Variants in XRN2 observed in about 807,000 individuals in gnomAD.
The protein encoded by XRN2 is DHM1-like protein.
Under a neutral mutation model 138.5 loss-of-function variants are expected in XRN2, and 44 were observed. The observed-to-expected ratio is 0.32, with a 90% CI of 0.25 to 0.41. The LOEUF is 0.41. Among genes scored for constraint, XRN2 ranks in the 10% least tolerant of loss-of-function variants. The pLI is 1.00. For missense variants in XRN2, 937 were observed against 1,169.3 expected (o/e 0.80, Z 2.90); for synonymous variants, 354 against 369.4 (o/e 0.96, Z 0.48).
At chr20:21,326,769 T>C (rs2038134862) in intron 3 of XRN2, among the ~76,000 whole-genome samples, 168 bp downstream of exon 3, 1 of 152,178 alleles carries the variant, frequency 6.6e-6, no homozygotes, top group South Asian at 2.1e-4. Context: ...GTGTGTGTTT[T>C]GTGCTTATTT....
At chr20:21,372,718 A>T (rs1389989800) in intron 27 of XRN2, among the ~76,000 whole-genome samples, 1 of 152,140 alleles carries the variant, frequency 6.6e-6, no homozygotes, top group Non-Finnish European at 1.5e-5. Flanking sequence ...CGTACAGTGT[A>T]GTTTTTATGA....
intron 27 of XRN2, among the ~76,000 whole-genome samples, chr20:21,377,264 C>CTTTTTTTTCTTTTTT (rs2038834045): frequency 1.2e-5 from 1 of 82,782 alleles, no homozygotes; most frequent in African/African-American, 5.4e-5. Context: ...TCGGTTTTTT[C>CTTTTTTTTCTTTTTT]TTTTTTTTTT....
In XRN2 at chr20:21,365,647, G is replaced by A. The variant is rs2038684401; in HGVS notation, c.2399G>A (p.Gly800Asp). Residue 800 changes from glycine (G) to aspartate (D), a missense_variant, in exon 26 of 30, where the codon GGC becomes GAC. Transcript: ENST00000377191. ...SNGRQWKPQL[G>D]FNRDRRPVHL... is the part of the protein sequence containing the mutation. ...GGACGGCAGTGGAAGCCTCAGCTTG[G>A]CTTTAACCGTGACCGGAGGCCTGTG... 6.2e-7 allele frequency: 1 copy of A among 1,613,174 alleles called. No homozygotes were observed. Among genetic ancestry groups the A allele is most frequent in the Non-Finnish European group, 8.5e-7 (1 of 1,179,918 alleles).
In XRN2 at chr20:21,356,532, G is replaced by C. The variant is rs958699469; in HGVS notation, c.2119-54G>C. The C allele has an allele frequency of 4.6e-6, 7 of 1,526,106 alleles. No individual in the cohort carries two copies. In the African/African-American group the frequency reaches 9.7e-5, roughly 21 times the overall value. 94.5% of individuals were successfully genotyped at this position (1,526,106 alleles called of 1,614,324 possible). On this transcript the variant is annotated intron_variant, in intron 22 of 29. Coordinates refer to ENST00000377191, the MANE Select transcript of XRN2 (RefSeq NM_012255.5). ...GCTATGAACACTCAAGAATCTGCTT[G>C]AGTCCCAGTTTTCCATTCTTTGCAT...
Position 21,368,554 on chromosome 20 carries a change from T to C in XRN2, c.2548T>C (p.Leu850=), listed in dbSNP as rs749917994. The C allele has an allele frequency of 1.2e-6, 2 of 1,613,960 alleles. No individual in the cohort carries two copies. Among genetic ancestry groups the C allele is most frequent in the East Asian group, 4.5e-5 (2 of 44,880 alleles). Residue 850 remains leucine (L), a synonymous_variant, in exon 27 of 30, where the codon TTG becomes CTG. Transcript: ENST00000377191. ...CCAGGGAAACTTATACAGGCCGCTTTTGAGAGGACAAGCCCAGATTCCAAA... is the reference window on the plus strand; with the variant it reads ...CCAGGGAAACTTATACAGGCCGCTTCTGAGAGGACAAGCCCAGATTCCAAA... ...TYQGNLYRPL[L]RGQAQIPKLM... is the part of the protein sequence containing the mutation.
chr20:21,332,198 T>C, intron 8 of XRN2, 85 bp from the exon 9 acceptor site: 1 of 1,490,644 alleles, frequency 6.7e-7, no homozygotes. Context: ...GGGCTTTTCT[T>C]TGTGTTGGCA....
intron 27 of XRN2, among the ~76,000 whole-genome samples, chr20:21,375,403 A>G (rs1318414023): frequency 6.6e-6 from 1 of 151,708 alleles, no homozygotes; most frequent in African/African-American, 2.4e-5. Flanking sequence ...GACTTAGGTA[A>G]TTTATTTTTG....
Position 21,328,253 on chromosome 20 carries a change from A to C in XRN2, c.316-306A>C, listed in dbSNP as rs541435933. Among the ~76,000 whole-genome samples the C allele has an allele frequency of 5.9e-5, 9 of 152,288 alleles. No individual in the cohort carries two copies. The South Asian group carries it at 1.9e-3, about 32-fold the overall frequency. On this transcript the variant is annotated intron_variant, in intron 3 of 29. Coordinates refer to ENST00000377191, the MANE Select transcript of XRN2 (RefSeq NM_012255.5). ...TTTCTTTCTTGGGTGCCCTGAATCA[A>C]GCACCCTAACCGAGGGGAACTGGTG...
chr20:21,365,468 C>T lies in XRN2; in HGVS notation c.2303C>T (p.Ala768Val), dbSNP rs766135751. The change falls in exon 25 of 30, where the codon GCT becomes GTT. Residue 768 changes from alanine to valine, a missense_variant. By Grantham distance (64) the Ala-to-Val change is moderately conservative (BLOSUM62 0). Coordinates refer to ENST00000377191, the MANE Select transcript of XRN2 (RefSeq NM_012255.5). Reference protein sequence around the residue: ...PQFAEDYIFKAVMLPGARKPA... With the variant: ...PQFAEDYIFKVVMLPGARKPA... ...TTTGCTGAAGATTACATTTTTAAAG[C>T]TGTAATGCTTCCAGGAGCAAGGTAA... is the stretch of plus-strand genomic sequence containing the variant. 3.7e-6 allele frequency: 6 copies of T among 1,613,730 alleles called. No individual in the cohort carries two copies. Among genetic ancestry groups the T allele is most frequent in the Non-Finnish European group, 5.1e-6 (6 of 1,179,894 alleles).
At chr20:21,326,670 AAGTC>A in intron 3 of XRN2, 69 bp downstream of exon 3, 1 of 1,222,762 alleles carries the variant, frequency 8.2e-7, no homozygotes, top group Non-Finnish European at 1.2e-6. Flanking sequence ...TCTAGAATGA[AAGTC>A]AGCTAAATAA....
rs762644828 is a variant in XRN2 at position 21,333,558 on chromosome 20, C to T, written c.873C>T (p.Ala291=). The T allele has an allele frequency of 1.7e-5, 28 of 1,612,878 alleles. No homozygotes were observed. The highest frequency in any genetic ancestry group is 9.9e-5 in the South Asian group (9 of 91,052). ...TGTTCTTGCAGCATGATGAACTTGC[C>T]GATAGTCTTCCTTGTGCAGAAGGAG... ...REKKGKHDEL[A]DSLPCAEGEF... Residue 291 remains alanine, a synonymous_variant, in exon 10 of 30, where the codon GCC becomes GCT. Transcript: ENST00000377191.
At chr20:21,367,129 T>G (rs557467052) in intron 26 of XRN2, among the ~76,000 whole-genome samples, 27 of 152,314 alleles carry the variant, frequency 1.8e-4, no homozygotes, top group Middle Eastern at 3.4e-3. Context: ...CTACTGAAAT[T>G]ATCTTTTAAT....
intron 6 of XRN2, 124 bp from the exon 7 acceptor site, chr20:21,331,437 A>ACC (rs1555784465): frequency 2.2e-5 from 15 of 680,328 alleles, no homozygotes; most frequent in Admixed American, 5.1e-5. Context: ...ACACACACAC[A>ACC]CCCTTATTCA....
rs1826887699 is a variant in XRN2 at position 21,346,635 on chromosome 20, T to C, written c.1665+85T>C. 32 of 1,529,816 alleles carry C rather than the reference T, an allele frequency of 2.1e-5. No homozygotes were observed. The South Asian group carries it at 4.0e-4, about 19-fold the overall frequency. 94.8% of individuals were successfully genotyped at this position (1,529,816 alleles called of 1,614,324 possible). A position where few individuals can be genotyped will look rare whatever the true frequency, so the allele number is the denominator to read the frequency against. On this transcript the variant is annotated intron_variant, in intron 17 of 29. Transcript: ENST00000377191. ...TCTTTTTTTTTGTTTGTTTTTTGTTTTTGAGACGGAGTCTTGCCCTGTCAC... is the reference window on the plus strand; with the variant it reads ...TCTTTTTTTTTGTTTGTTTTTTGTTCTTGAGACGGAGTCTTGCCCTGTCAC...
At chr20:21,369,417 T>G (rs2038738400) in intron 27 of XRN2, among the ~76,000 whole-genome samples, 1 of 152,220 alleles carries the variant, frequency 6.6e-6, no homozygotes, top group Non-Finnish European at 1.5e-5. Flanking sequence ...TTCCCTGTTT[T>G]GGGGTATATA....
chr20:21,313,864 A>G (rs916218476), intron 1 of XRN2, among the ~76,000 whole-genome samples: 3 of 152,068 alleles, frequency 2.0e-5, no homozygotes, highest in South Asian at 2.1e-4. Flanking sequence ...CCTACATTCT[A>G]TTTTCTCTAA....
chr20:21,367,977 C>A (rs747461449), intron 26 of XRN2, among the ~76,000 whole-genome samples: 2 of 151,792 alleles, frequency 1.3e-5, no homozygotes, highest in Non-Finnish European at 2.9e-5. Flanking sequence ...ACTACTAGTA[C>A]GAAATGAGAG....
chr20:21,348,220 C>T lies in XRN2; in HGVS notation c.1740C>T (p.Asp580=). ...CTTCAGACTTTGAAGGCATTGCAGA[C>T]ATGCCATCTGATTTTGAGAAGGGTA... ...PFASDFEGIA[D]MPSDFEKGTK... is the part of the protein sequence containing the mutation. The change falls in exon 18 of 30, where the codon GAC becomes GAT. Residue 580 remains aspartate, a synonymous_variant. Transcript: ENST00000377191. 6.2e-7 allele frequency: 1 copy of T among 1,613,992 alleles called. No individual in the cohort carries two copies. The highest frequency in any genetic ancestry group is 8.5e-7 in the Non-Finnish European group (1 of 1,179,958).
intron 1 of XRN2, among the ~76,000 whole-genome samples, chr20:21,320,283 T>TTATTTATG (rs754800283): frequency 0.056 from 4,497 of 79,596 alleles, 109 homozygotes; most frequent in Middle Eastern, 0.11. Context: ...ATTTATGTAT[T>TTATTTATG]TATTTATTTA....
Sources: allele counts gnomAD v4.1 joint callset (sites outside exome capture counted in the v4.1 genomes callset), GRCh38; gene constraint gnomAD v4.1.1; transcripts MANE v1.5; gene names NCBI Gene and HGNC (gene_info 2026-07-23, HGNC 2026-07-21).